Variants in RYR1 observed in about 807,000 individuals in gnomAD.
RYR1 encodes the protein ryanodine receptor 1.
In RYR1, 342 loss-of-function variants were observed where a neutral mutation model predicts 583.5. That is an observed-to-expected ratio of 0.59 (90% confidence interval 0.54 to 0.64). The LOEUF is 0.64. Among genes scored for constraint, RYR1 ranks in the 30% least tolerant of loss-of-function variants. The pLI, the probability that RYR1 is intolerant of heterozygous loss-of-function variation, is 0.00. For synonymous variants in RYR1, 2,791 were observed against 2,822.5 expected (o/e 0.99, Z 0.35); for missense variants, 6,032 against 6,917.2 (o/e 0.87, Z 4.54).
chr19:38,570,886 A>T (rs920061062), intron 94 of RYR1, among the ~76,000 whole-genome samples, 193 bp downstream of exon 94: 1 of 152,170 alleles, frequency 6.6e-6, no homozygotes, highest in African/African-American at 2.4e-5. Flanking sequence ...GGATATCTGG[A>T]TCCATCTGGG....
At position 38,524,042 on chromosome 19, in the gene RYR1, C is replaced by T. The variant is rs1971351165; in HGVS notation, c.10455+113C>T. The T allele has an allele frequency of 5.7e-6, 7 of 1,229,304 alleles. No homozygotes were observed. The East Asian group carries it at 1.8e-4, about 32-fold the overall frequency. The allele number at this position is 1,229,304 out of a possible 1,614,324, so 76.1% of individuals were successfully genotyped here. A position where few individuals can be genotyped will look rare whatever the true frequency, so the allele number is the denominator to read the frequency against. Reference sequence around the variant, plus strand: ...CCTGCTTCTGTTCCCCACCCCCGTCCTCCCCTCCCAGCCCCCACCCATCCT... The same window carrying T: ...CCTGCTTCTGTTCCCCACCCCCGTCTTCCCCTCCCAGCCCCCACCCATCCT... On this transcript the variant is annotated intron_variant, in intron 70 of 105. Coordinates refer to ENST00000359596, the MANE Select transcript of RYR1 (RefSeq NM_000540.3).
intron 91 of RYR1, among the ~76,000 whole-genome samples, chr19:38,566,534 A>G (rs980910576): frequency 1.3e-5 from 2 of 151,716 alleles, no homozygotes; most frequent in East Asian, 3.9e-4. Flanking sequence ...GCCACTAGGA[A>G]AAGACCCTCG....
chr19:38,576,867 G>A (rs1973977982), intron 97 of RYR1, among the ~76,000 whole-genome samples: 1 of 152,076 alleles, frequency 6.6e-6, no homozygotes, highest in African/African-American at 2.4e-5. Flanking sequence ...ACACACTCTG[G>A]AACCAGATTG....
chr19:38,572,422 G>T (rs980693819), intron 95 of RYR1, 152 bp downstream of exon 95: 5 of 934,122 alleles, frequency 5.4e-6, no homozygotes, highest in Non-Finnish European at 8.0e-6. Context: ...CTGGGTACAG[G>T]ATTGGGGTCT....
Position 38,448,671 on chromosome 19 carries a change from AGC to A in RYR1, c.982_983del (p.Arg328GlyfsTer9), listed in dbSNP as rs776235139. Reference sequence around the variant, plus strand: ...TAGGAGAAGCTGGATGTGGCCCCCAAGCGGGATGTGGAGGGCATGGGCCCCCC... The same window carrying A: ...TAGGAGAAGCTGGATGTGGCCCCCAAGGGATGTGGAGGGCATGGGCCCCCC... On this transcript the variant is annotated frameshift_variant, in exon 11 of 106. Coordinates refer to ENST00000359596, the MANE Select transcript of RYR1 (RefSeq NM_000540.3). LOFTEE classifies it high-confidence loss of function. 6.2e-7 allele frequency: 1 copy of A among 1,614,196 alleles called. No individual in the cohort carries two copies. Among genetic ancestry groups the A allele is most frequent in the Non-Finnish European group, 8.5e-7 (1 of 1,180,024 alleles).
intron 27 of RYR1, among the ~76,000 whole-genome samples, chr19:38,471,511 CAG>C (rs1352333531): frequency 6.6e-6 from 1 of 152,074 alleles, no homozygotes; most frequent in Admixed American, 6.5e-5. Flanking sequence ...GCCCAGGTGA[CAG>C]AGCAAGACCT....
At chr19:38,471,024 G>A (rs571027867) in intron 27 of RYR1, among the ~76,000 whole-genome samples, 5 of 152,332 alleles carry the variant, frequency 3.3e-5, no homozygotes, top group South Asian at 4.1e-4. Flanking sequence ...CCATGTGGAC[G>A]AATCTCAGAC....
At chr19:38,451,481 TAGAG>T (rs574615616) in intron 11 of RYR1, among the ~76,000 whole-genome samples, 206 of 150,456 alleles carry the variant, frequency 1.4e-3, no homozygotes, top group Admixed American at 4.2e-3. Context: ...GAGATAGGGA[TAGAG>T]AGATAGAGAG....
chr19:38,440,984 GAGGGGGGCTA>G, intron 2 of RYR1, 120 bp downstream of exon 2: 4 of 1,174,710 alleles, frequency 3.4e-6, no homozygotes, highest in Non-Finnish European at 4.8e-6. Flanking sequence ...AGAAAGTGAG[GAGGGGGGCTA>G]AGGCTAAGAG....
At position 38,466,215 on chromosome 19, in the gene RYR1, C is replaced by T. The variant is rs150442096; in HGVS notation, c.2995C>T (p.Arg999Cys). ...TGGGCACAACGTGTGGGCCCGAGAC[C>T]GCGTGGGCCAGGGCTGGAGCTACAG... is the stretch of plus-strand genomic sequence containing the variant. ...ENGHNVWARD[R>C]VGQGWSYSAV... is the part of the protein sequence containing the mutation. The change falls in exon 24 of 106, where the codon CGC becomes TGC. Residue 999 changes from arginine to cysteine, a missense_variant. Around this residue, in one of 11 missense-constraint regions of RYR1, gnomAD observed 2,627 missense variants for 2,961.3 expected, o/e 0.89. Transcript: ENST00000359596. 2.0e-5 allele frequency: 33 copies of T among 1,613,352 alleles called. No homozygotes were observed. Among genetic ancestry groups the T allele is most frequent in the Non-Finnish European group, 2.5e-5 (30 of 1,179,960 alleles).
chr19:38,550,575 A>C (rs1315842695), intron 89 of RYR1, among the ~76,000 whole-genome samples: 2 of 152,006 alleles, frequency 1.3e-5, no homozygotes, highest in African/African-American at 4.8e-5. Flanking sequence ...CAGTCAAACA[A>C]TCCTAGCTCA....
intron 96 of RYR1, 108 bp downstream of exon 96, chr19:38,573,415 C>T (rs575671846): frequency 2.0e-4 from 274 of 1,397,820 alleles, no homozygotes; most frequent in Non-Finnish European, 2.5e-4. Context: ...GGCACGGTGG[C>T]TCACACCTGT....
chr19:38,442,729 C>A (rs570515235), intron 3 of RYR1, among the ~76,000 whole-genome samples: 21 of 152,270 alleles, frequency 1.4e-4, no homozygotes, highest in Admixed American at 1.2e-3. Flanking sequence ...GGTCCTCCCC[C>A]ACCCCAGTTG....
intron 9 of RYR1, 79 bp from the exon 10 acceptor site, chr19:38,448,276 A>C (rs912454336): frequency 1.7e-4 from 260 of 1,491,454 alleles, no homozygotes; most frequent in Non-Finnish European, 2.2e-4. Context: ...TGTAAAAAAA[A>C]GAAAAAGAAG....
chr19:38,503,758 G>A (rs1226425441), intron 49 of RYR1, among the ~76,000 whole-genome samples: 1 of 150,380 alleles, frequency 6.6e-6, no homozygotes, highest in Non-Finnish European at 1.5e-5. Flanking sequence ...GGTCAAGAGA[G>A]TGAGACTCCA....
At position 38,475,441 on chromosome 19, in the gene RYR1, C is replaced by T. The variant is rs139622869; in HGVS notation, c.4284C>T (p.Asn1428=). ...GCGATGACCCCGAGATCATCCTCAA[C>T]ACCACCACGGTGTGGACCAGTAACC... is the stretch of plus-strand genomic sequence containing the variant. The part of the protein sequence containing the change: ...DNRDDPEIIL[N]TTTYYYSVRV... Residue 1428 remains asparagine, a synonymous_variant, in exon 29 of 106, where the codon AAC becomes AAT. Coordinates refer to ENST00000359596, the MANE Select transcript of RYR1 (RefSeq NM_000540.3). The T allele has an allele frequency of 3.9e-5, 63 of 1,613,680 alleles. No homozygotes were observed. Among genetic ancestry groups the T allele is most frequent in the Non-Finnish European group, 5.3e-5 (62 of 1,180,052 alleles).
chr19:38,483,574 G>A lies in RYR1; in HGVS notation c.4934+58G>A. Reference sequence around the variant, plus strand: ...AGGTGTTGCAAGCCCTCTGGGGTCTGGGTCCCACTCAGTGCCCCTCCTCAA... The same window carrying A: ...AGGTGTTGCAAGCCCTCTGGGGTCTAGGTCCCACTCAGTGCCCCTCCTCAA... On this transcript the variant is annotated intron_variant, in intron 33 of 105. Transcript: ENST00000359596. This position sits in a 1 kb window ranked among gnomAD's most constrained non-coding sequence, Gnocchi z 6.3. 6.9e-7 allele frequency: 1 copy of A among 1,457,696 alleles called. No homozygotes were observed. Among genetic ancestry groups the A allele is most frequent in the Non-Finnish European group, 9.3e-7 (1 of 1,076,998 alleles). The allele number at this position is 1,457,696 out of a possible 1,614,324, so 90.3% of individuals were successfully genotyped here.
intron 89 of RYR1, among the ~76,000 whole-genome samples, chr19:38,560,735 A>C: frequency 6.7e-6 from 1 of 149,854 alleles, no homozygotes; most frequent in East Asian, 2.0e-4. Context: ...GTCTCAAAAA[A>C]AAAAAAAAAA....
Position 38,433,774 on chromosome 19 carries a change from G to A in RYR1, c.-56G>A. The A allele has an allele frequency of 4.3e-6, 1 of 230,912 alleles. No homozygotes were observed. Among genetic ancestry groups the A allele is most frequent in the Non-Finnish European group, 7.9e-6 (1 of 125,794 alleles). The allele number at this position is 230,912 out of a possible 1,614,324, so 14.3% of individuals were successfully genotyped here. On this transcript the variant is annotated 5_prime_UTR_variant, in exon 1 of 106. Coordinates refer to ENST00000359596, the MANE Select transcript of RYR1 (RefSeq NM_000540.3). ...CGCCCCCAGCCCTCCCGCCCAGCCC[G>A]CAGCCCCCTCCCTCTGTTCCCCGAC...
Sources: gnomAD v4.1 joint callset for allele counts (sites outside exome capture counted in the v4.1 genomes callset) on GRCh38, gnomAD v4.1.1 for gene constraint, gnomAD v4.1.1 regional missense constraint, Gnocchi (gnomAD v3.1) non-coding constraint, MANE v1.5 for transcripts, NCBI Gene and HGNC (gene_info 2026-07-23, HGNC 2026-07-21) for gene names.